The following TMEM74 variants were observed in gnomAD, a reference collection of about 807,000 sequenced individuals.
TMEM74 encodes the protein transmembrane protein 74.
Under a neutral mutation model 18.1 loss-of-function variants are expected in TMEM74, and 13 were observed. The observed-to-expected ratio is 0.72, with a 90% CI of 0.47 to 1.14. The LOEUF (loss-of-function observed/expected upper bound fraction) is 1.14. Ranked by LOEUF, TMEM74 falls within the 50% of genes most tolerant of loss-of-function variation. The probability of loss-of-function intolerance (pLI) is 0.00; values close to 1 mark genes in which losing one functional copy is unlikely to be tolerated. For synonymous variants in TMEM74, 159 were observed against 146.6 expected (o/e 1.08, Z -0.61); for missense variants, 372 against 375.9 (o/e 0.99, Z 0.09).
chr8:108,702,444 G>A (rs1447629735), intron 1 of TMEM74, among the ~76,000 whole-genome samples: 2 of 151,464 alleles, frequency 1.3e-5, no homozygotes, highest in East Asian at 3.9e-4. Context: ...AAATGCAGCA[G>A]CAAAGGTAGC....
At chr8:108,751,627 A>C (rs985689731) in intron 1 of TMEM74, among the ~76,000 whole-genome samples, 15 of 152,134 alleles carry the variant, frequency 9.9e-5, no homozygotes, top group Admixed American at 9.8e-4. Context: ...GCTCTGCTTT[A>C]TAACAGCAAC....
chr8:108,621,967 T>C (rs922578863), intron 2 of TMEM74, among the ~76,000 whole-genome samples: 6 of 152,138 alleles, frequency 3.9e-5, no homozygotes, highest in African/African-American at 7.2e-5. Flanking sequence ...TTTACATATG[T>C]AGAAAAATCT....
At chr8:108,687,781 G>C (rs1454347195) in intron 1 of TMEM74, among the ~76,000 whole-genome samples, 1 of 152,126 alleles carries the variant, frequency 6.6e-6, no homozygotes, top group Non-Finnish European at 1.5e-5. Context: ...GCAGGAGGCA[G>C]AGGTCAGGTG....
rs143235406 is a variant in TMEM74, at chr8:108,704,091, T to A, written n.120-48654A>T. On this transcript the variant is annotated intron_variant and non_coding_transcript_variant, in intron 1 of 3. Transcript: ENST00000518838. ...AGAAAAGACTTTAGTTAAGTCTCAT[T>A]GTTTTATCCATGGGAAGTTTGATGC... is the stretch of plus-strand genomic sequence containing the variant. Among the ~76,000 whole-genome samples, 592 of 152,310 alleles carry A rather than the reference T, an allele frequency of 3.9e-3. 7 individuals carry two copies. The highest frequency in any genetic ancestry group is 0.014 in the African/African-American group (562 of 41,576).
rs139779534 is a variant in TMEM74 at position 108,781,617 on chromosome 8, A to G, written c.*2564T>C. 1.3e-5 allele frequency among the ~76,000 whole-genome samples: 2 copies of G among 152,358 alleles called. No individual in the cohort carries two copies. The highest frequency in any genetic ancestry group is 4.8e-5 in the African/African-American group (2 of 41,580). On this transcript the variant is annotated 3_prime_UTR_variant, in exon 2 of 2. Coordinates refer to ENST00000297459, the MANE Select transcript of TMEM74 (RefSeq NM_153015.3). ...TGTAATGGTTTGCCCTCAGATAAGT[A>G]GAACCTTAAAAGAGAGGTGCTCTAT...
chr8:108,608,886 A>AT (rs1812305785), intron 2 of TMEM74: 1 of 152,230 alleles, frequency 6.6e-6, no homozygotes, highest in Non-Finnish European at 1.5e-5. Flanking sequence ...TTCTCTGGTT[A>AT]TAAAAATTAA....
chr8:108,612,472 T>C (rs1305890544), intron 2 of TMEM74, among the ~76,000 whole-genome samples: 1 of 152,236 alleles, frequency 6.6e-6, no homozygotes, highest in African/African-American at 2.4e-5. Flanking sequence ...TGCTTGCCAA[T>C]TGCATGTAGC....
At chr8:108,749,460 T>C (rs921806996) in intron 1 of TMEM74, among the ~76,000 whole-genome samples, 16 of 152,200 alleles carry the variant, frequency 1.1e-4, no homozygotes, top group African/African-American at 3.6e-4. Flanking sequence ...TTGACTGTTG[T>C]TGGTGTACAG....
chr8:108,709,479 A>C (rs1182029754), intron 1 of TMEM74, among the ~76,000 whole-genome samples: 1 of 152,160 alleles, frequency 6.6e-6, no homozygotes, highest in Non-Finnish European at 1.5e-5. Flanking sequence ...TAATATAGTC[A>C]AACTCTTAGA....
intron 2 of TMEM74, among the ~76,000 whole-genome samples, chr8:108,640,155 C>T (rs893747250): frequency 6.5e-5 from 9 of 138,372 alleles, no homozygotes; most frequent in South Asian, 2.3e-4. Flanking sequence ...AGACGGAGTC[C>T]GGAGTCTTGC....
intron 2 of TMEM74, among the ~76,000 whole-genome samples, chr8:108,641,099 T>A (rs1442335315): frequency 6.6e-6 from 1 of 152,150 alleles, no homozygotes; most frequent in East Asian, 1.9e-4. Flanking sequence ...TTGGGCTGCT[T>A]TGTTATTTTC....
intron 1 of TMEM74, among the ~76,000 whole-genome samples, chr8:108,718,796 G>A (rs1441116399): frequency 3.9e-5 from 6 of 152,026 alleles, no homozygotes; most frequent in Admixed American, 3.3e-4. Flanking sequence ...ACATGGTATC[G>A]ATATGAAAAT....
intron 1 of TMEM74, among the ~76,000 whole-genome samples, chr8:108,719,358 C>T (rs1379022630): frequency 6.6e-6 from 1 of 152,006 alleles, no homozygotes; most frequent in Non-Finnish European, 1.5e-5. Flanking sequence ...TGTTTAATAT[C>T]ATTGTAGTCT....
chr8:108,687,624 G>T (rs537783527), intron 1 of TMEM74, among the ~76,000 whole-genome samples: 2 of 152,088 alleles, frequency 1.3e-5, no homozygotes, highest in Non-Finnish European at 2.9e-5. Context: ...TCTGCAACTA[G>T]ATGGTCCCAT....
chr8:108,699,985 CA>C (rs1198105765), intron 1 of TMEM74, among the ~76,000 whole-genome samples: 2 of 152,024 alleles, frequency 1.3e-5, no homozygotes, highest in African/African-American at 4.8e-5. Flanking sequence ...CAATTGAAAG[CA>C]AGACCATTTA....
At chr8:108,744,152 G>A (rs1427083025) in intron 1 of TMEM74, among the ~76,000 whole-genome samples, 2 of 152,114 alleles carry the variant, frequency 1.3e-5, no homozygotes, top group Non-Finnish European at 2.9e-5. Context: ...CTTGCCGGGT[G>A]GCAAATTCTG....
At chr8:108,618,526 C>G (rs1812408379) in intron 2 of TMEM74, among the ~76,000 whole-genome samples, 1 of 152,098 alleles carries the variant, frequency 6.6e-6, no homozygotes, top group South Asian at 2.1e-4. Flanking sequence ...GGTTTGTGTA[C>G]TATATGAAAG....
chr8:108,648,331 G>A (rs1404069939), intron 2 of TMEM74, among the ~76,000 whole-genome samples: 1 of 152,064 alleles, frequency 6.6e-6, no homozygotes, highest in Non-Finnish European at 1.5e-5. Context: ...AAGCCTGCAG[G>A]GGAAAAGAGA....
chr8:108,633,993 A>G (rs561478313), intron 2 of TMEM74, among the ~76,000 whole-genome samples: 1 of 152,188 alleles, frequency 6.6e-6, no homozygotes, highest in African/African-American at 2.4e-5. Flanking sequence ...ATCTTTCTCT[A>G]AAGGAAGTGA....
Sources: allele counts gnomAD v4.1 joint callset (sites outside exome capture counted in the v4.1 genomes callset), GRCh38; gene constraint gnomAD v4.1.1; transcripts MANE v1.5; gene names NCBI Gene and HGNC (gene_info 2026-07-23, HGNC 2026-07-21).